Variants in LRP2 observed in about 807,000 individuals in gnomAD.
The protein encoded by LRP2 is low-density lipoprotein receptor-related protein 2.
Under a neutral mutation model 531.0 loss-of-function variants are expected in LRP2, and 172 were observed. That is an observed-to-expected ratio of 0.32 (90% confidence interval 0.29 to 0.37). The LOEUF is 0.37. Among genes scored for constraint, LRP2 ranks in the 10% least tolerant of loss-of-function variants. The pLI is 1.00. For synonymous variants in LRP2, 1,992 were observed against 2,027.6 expected, an observed-to-expected ratio of 0.98 and a Z score of 0.47; for missense variants, 5,167 against 5,868.3, an observed-to-expected ratio of 0.88 and a Z score of 3.90.
intron 63 of LRP2, among the ~76,000 whole-genome samples, chr2:169,160,240 A>G (rs6759013): frequency 0.52 from 79,756 of 151,950 alleles, 21,705 homozygotes; most frequent in Admixed American, 0.63. Flanking sequence ...TTTCATTCCC[A>G]AAAATTTGCC....
chr2:169,291,002 G>A lies in LRP2; in HGVS notation c.770-5C>T, dbSNP rs180797349. On this transcript the variant is annotated splice_region_variant and splice_polypyrimidine_tract_variant and intron_variant, in intron 7 of 78. Transcript: ENST00000649046. The stretch of plus-strand genomic sequence containing the variant: ...GAACATCATGAGGACCGCTTTCTGT[G>A]GGGGGAAAAAGAGAGAGTTACAGGC... 2 of 1,612,978 alleles carry A rather than the reference G, an allele frequency of 1.2e-6. No individual in the cohort carries two copies. The highest frequency in any genetic ancestry group is 1.7e-5 in the Admixed American group (1 of 59,908).
intron 4 of LRP2, 46 bp from the exon 5 acceptor site, chr2:169,294,756 A>AAAC (rs1684093831): frequency 7.8e-7 from 1 of 1,283,712 alleles, no homozygotes; most frequent in Admixed American, 1.8e-5. Flanking sequence ...AGGAAACAGT[A>AAAC]AACAAACCTT....
chr2:169,128,889 T>G (rs1685187317), intron 78 of LRP2, 59 bp from the exon 79 acceptor site: 2 of 1,601,100 alleles, frequency 1.2e-6, no homozygotes, highest in Admixed American at 3.3e-5. Context: ...CCATACACGG[T>G]TTTTCATAAA....
intron 62 of LRP2, among the ~76,000 whole-genome samples, chr2:169,164,409 A>T (rs1169538319): frequency 6.6e-6 from 1 of 152,202 alleles, no homozygotes; most frequent in East Asian, 1.9e-4. Context: ...GTGAGAAGAA[A>T]ATCATAAAGG....
chr2:169,138,087 A>T (rs1685584870), intron 75 of LRP2, among the ~76,000 whole-genome samples: 1 of 152,202 alleles, frequency 6.6e-6, no homozygotes, highest in Non-Finnish European at 1.5e-5. Flanking sequence ...AGAGATATCA[A>T]GCTCCATGTC....
chr2:169,277,669 T>C, intron 13 of LRP2, 76 bp downstream of exon 13: 2 of 1,301,854 alleles, frequency 1.5e-6, no homozygotes, highest in Non-Finnish European at 2.2e-6. Flanking sequence ...TCTGGTCCTT[T>C]GATATTTCTC....
chr2:169,361,574 A>G (rs1686166514), intron 1 of LRP2, among the ~76,000 whole-genome samples: 1 of 152,038 alleles, frequency 6.6e-6, no homozygotes, highest in Admixed American at 6.6e-5. Flanking sequence ...GTTAAAACAT[A>G]AACTATCGGA....
chr2:169,309,199 T>C (rs1684518681), intron 3 of LRP2, among the ~76,000 whole-genome samples: 1 of 152,236 alleles, frequency 6.6e-6, no homozygotes, highest in Non-Finnish European at 1.5e-5. Context: ...TGGTAGTTTC[T>C]ATTGCTGTGC....
At chr2:169,288,450 T>C (rs1559058345) in intron 9 of LRP2, among the ~76,000 whole-genome samples, 1 of 152,218 alleles carries the variant, frequency 6.6e-6, no homozygotes, top group African/African-American at 2.4e-5. Context: ...TCATCTTGAA[T>C]GATAGTTCCA....
intron 17 of LRP2, among the ~76,000 whole-genome samples, chr2:169,257,758 C>T (rs1272381762): frequency 2.0e-5 from 3 of 149,666 alleles, no homozygotes; most frequent in African/African-American, 7.4e-5. Context: ...AGTATCTGAC[C>T]CAAGCATTTT....
intron 19 of LRP2, among the ~76,000 whole-genome samples, chr2:169,254,900 C>T (rs866057627): frequency 5.9e-5 from 9 of 151,910 alleles, no homozygotes; most frequent in Middle Eastern, 3.4e-3. Context: ...TGGATGGCAG[C>T]GGCGGGAGGG....
chr2:169,356,973 A>ACT (rs1333323635), intron 1 of LRP2, among the ~76,000 whole-genome samples: 1 of 152,198 alleles, frequency 6.6e-6, no homozygotes. Context: ...GATACTATTG[A>ACT]CTCATCAGCA....
chr2:169,327,491 G>C (rs1374032122), intron 1 of LRP2, among the ~76,000 whole-genome samples: 8 of 118,820 alleles, frequency 6.7e-5, no homozygotes, highest in Non-Finnish European at 1.2e-4. Context: ...GAGGTGGGGG[G>C]GTCAGCCCCC....
chr2:169,239,415 G>A (rs1689724001), intron 26 of LRP2, 112 bp downstream of exon 26: 8 of 1,572,526 alleles, frequency 5.1e-6, no homozygotes, highest in Non-Finnish European at 7.0e-6. Flanking sequence ...AATCTTTCCA[G>A]GATTCAAGTC....
chr2:169,130,417 AGCTGGGACTACAG>A (rs1412679721), intron 77 of LRP2, among the ~76,000 whole-genome samples: 1 of 151,636 alleles, frequency 6.6e-6, no homozygotes, highest in Non-Finnish European at 1.5e-5. Context: ...CCTCCTGAAT[AGCTGGGACTACAG>A]GCATATGCCA....
intron 62 of LRP2, among the ~76,000 whole-genome samples, chr2:169,163,324 G>T (rs116358158): frequency 0.02 from 3,076 of 152,238 alleles, 38 homozygotes; most frequent in Non-Finnish European, 0.03. Flanking sequence ...CCTAAGGGAA[G>T]AACTGGTTAC....
At chr2:169,280,566 G>T (rs751108728) in intron 10 of LRP2, 47 bp from the exon 11 acceptor site, 3 of 1,572,682 alleles carry the variant, frequency 1.9e-6, no homozygotes, top group South Asian at 2.2e-5. Flanking sequence ...GATGAGCAAG[G>T]ATGGTGAAGT....
rs149902667 is a variant in LRP2, at chr2:169,293,055, G to C, written c.653-686C>G. Among the ~76,000 whole-genome samples the C allele has an allele frequency of 3.9e-5, 6 of 152,168 alleles. No homozygotes were observed. In the South Asian group the frequency reaches 6.2e-4, roughly 16 times the overall value. ...TTCTCTGTCACTGAAATAAGCCCAG[G>C]TTCCAGAAAGGAAGTCAGGCATGGC... On this transcript the variant is annotated intron_variant, in intron 6 of 78. Coordinates refer to ENST00000649046, the MANE Select transcript of LRP2 (RefSeq NM_004525.3).
chr2:169,306,153 TA>T (rs1170160467), intron 4 of LRP2, among the ~76,000 whole-genome samples: 2 of 151,914 alleles, frequency 1.3e-5, no homozygotes, highest in African/African-American at 4.8e-5. Flanking sequence ...AAATATATGT[TA>T]TATGTATATA....
Sources: gnomAD v4.1 joint callset for allele counts (sites outside exome capture counted in the v4.1 genomes callset) on GRCh38, gnomAD v4.1.1 for gene constraint, MANE v1.5 for transcripts, NCBI Gene and HGNC (gene_info 2026-07-23, HGNC 2026-07-21) for gene names.